Variants in HEPH observed in about 807,000 individuals in gnomAD.
HEPH encodes the protein hephaestin.
HEPH carries 69 observed loss-of-function variants against 80.8 expected under a neutral mutation model. That is an observed-to-expected ratio of 0.85 (90% CI 0.70 to 1.04). HEPH has a LOEUF of 1.04. Ranked by LOEUF, HEPH falls within the 50% of genes least tolerant of loss-of-function variation. The probability of loss-of-function intolerance (pLI) is 0.00; values close to 1 mark genes in which losing one functional copy is unlikely to be tolerated. For missense variants in HEPH, 1,115 were observed against 891.3 expected (o/e 1.25, Z -3.20); for synonymous variants, 431 against 322.8 (o/e 1.34, Z -3.60).
intron 4 of HEPH, among the ~76,000 whole-genome samples, chrX:66,180,670 ATTTG>A (rs1413978575): frequency 2.2e-3 from 49 of 22,174 alleles, no homozygotes; most frequent in African/African-American, 8.7e-3. Flanking sequence ...TTCAGTCATT[ATTTG>A]TTTGTACAGC....
At position 66,216,244 on chromosome X, in the gene HEPH, C is replaced by T. The variant is rs912061706; in HGVS notation, c.2563+7998C>T. ...CCTACACACCTGCAGCTGATGTGTTCTTGAAAGCACCACCTCCTGATTGGA... is the reference window on the plus strand; with the variant it reads ...CCTACACACCTGCAGCTGATGTGTTTTTGAAAGCACCACCTCCTGATTGGA... On this transcript the variant is annotated intron_variant, in intron 15 of 20. Transcript: ENST00000343002. 2.7e-5 allele frequency among the ~76,000 whole-genome samples: 3 copies of T among 111,709 alleles called. No individual in the cohort carries two copies. In the East Asian group the frequency reaches 8.4e-4, roughly 31 times the overall value.
At chrX:66,219,806 C>T (rs939275875) in intron 15 of HEPH, among the ~76,000 whole-genome samples, 1 of 111,063 alleles carries the variant, frequency 9.0e-6, no homozygotes, top group Non-Finnish European at 1.9e-5. Context: ...GCCCACTGGT[C>T]GGGTATTTTG....
intron 15 of HEPH, among the ~76,000 whole-genome samples, chrX:66,223,061 G>A (rs935967221): frequency 3.6e-5 from 4 of 110,667 alleles, no homozygotes; most frequent in Admixed American, 9.6e-5. Flanking sequence ...CAGCAGTCTC[G>A]GAGGTTAGCA....
chrX:66,264,632 T>A, intron 20 of HEPH, among the ~76,000 whole-genome samples: 1 of 108,093 alleles, frequency 9.3e-6, no homozygotes, highest in Middle Eastern at 4.3e-3. Context: ...TAGTCTGAGG[T>A]TTTACAGCTG....
Position 66,266,710 on chromosome X carries a change from G to C in HEPH, c.*38G>C. 1 of 994,536 alleles carries C rather than the reference G, an allele frequency of 1.0e-6. No homozygotes were observed. The highest frequency in any genetic ancestry group is 1.4e-6 in the Non-Finnish European group (1 of 706,516). The allele number at this position is 994,536 out of a possible 1,213,427, so 82.0% of individuals were successfully genotyped here. The stretch of plus-strand genomic sequence containing the variant: ...GGAGATATCCTCAGGAAGCACATCT[G>C]TAGTGCACTCCCAGCAGGCCATGGA... On this transcript the variant is annotated 3_prime_UTR_variant, in exon 21 of 21. Coordinates refer to ENST00000343002, the MANE Select transcript of HEPH (RefSeq NM_001367233.3).
chrX:66,235,048 GT>G (rs1164398627), intron 15 of HEPH, among the ~76,000 whole-genome samples: 6 of 110,875 alleles, frequency 5.4e-5, no homozygotes, highest in Non-Finnish European at 1.1e-4. Context: ...AAATGGGGTT[GT>G]TTTTACCTTG....
At chrX:66,240,146 A>C (rs1194577216) in intron 15 of HEPH, among the ~76,000 whole-genome samples, 1 of 112,113 alleles carries the variant, frequency 8.9e-6, no homozygotes, top group East Asian at 2.8e-4. Context: ...ATTTCATTAG[A>C]GAGATTAAAA....
intron 15 of HEPH, among the ~76,000 whole-genome samples, chrX:66,231,785 A>G (rs1208255018): frequency 9.4e-6 from 1 of 106,083 alleles, no homozygotes; most frequent in African/African-American, 3.5e-5. Flanking sequence ...CTCCTGCCTA[A>G]TTGCCCTGGC....
chrX:66,186,257 T>C (rs2087426699), intron 4 of HEPH, among the ~76,000 whole-genome samples: 1 of 86,085 alleles, frequency 1.2e-5, no homozygotes, highest in Admixed American at 1.1e-4. Context: ...GGCTGCTTTG[T>C]TTACCTAAGC....
chrX:66,225,219 C>T (rs2089828025), intron 15 of HEPH, among the ~76,000 whole-genome samples: 2 of 111,655 alleles, frequency 1.8e-5, no homozygotes, highest in African/African-American at 6.5e-5. Flanking sequence ...ACTCCATCGT[C>T]TCCCTTAAAT....
chrX:66,246,596 G>A (rs1052807353), intron 15 of HEPH, among the ~76,000 whole-genome samples: 2 of 111,149 alleles, frequency 1.8e-5, no homozygotes, highest in African/African-American at 3.3e-5. Flanking sequence ...TGGGGGCAGT[G>A]TGTGGGGGCC....
chrX:66,234,295 T>A (rs34552764), intron 15 of HEPH, among the ~76,000 whole-genome samples: 3,348 of 108,172 alleles, frequency 0.031, 68 homozygotes, highest in Non-Finnish European at 0.046. Context: ...CTTCTTTTTT[T>A]AAAAAAAAAA....
Position 66,263,690 on chromosome X carries a change from T to C in HEPH, c.3244+2T>C, listed in dbSNP as rs1397915404. On this transcript the variant is annotated splice_donor_variant, in intron 20 of 20. Coordinates refer to ENST00000343002, the MANE Select transcript of HEPH (RefSeq NM_001367233.3). LOFTEE classifies it high-confidence loss of function. Reference sequence around the variant, plus strand: ...TCATCACCAAAGAGACTGAAAAAGGTACGTAAAATGATGCACAGACTGGGT... The same window carrying C: ...TCATCACCAAAGAGACTGAAAAAGGCACGTAAAATGATGCACAGACTGGGT... 5.8e-6 allele frequency: 7 copies of C among 1,205,528 alleles called. No individual in the cohort carries two copies. The highest frequency in any genetic ancestry group is 4.4e-5 in the Admixed American group (2 of 45,556).
intron 15 of HEPH, among the ~76,000 whole-genome samples, chrX:66,229,800 GT>G (rs1344505870): frequency 3.6e-5 from 4 of 110,051 alleles, no homozygotes; most frequent in African/African-American, 1.3e-4. Context: ...TATACTTTAA[GT>G]TTTAGGGTAC....
At chrX:66,221,128 C>T (rs1371038571) in intron 15 of HEPH, among the ~76,000 whole-genome samples, 5 of 111,286 alleles carry the variant, frequency 4.5e-5, no homozygotes, top group East Asian at 2.8e-4. Flanking sequence ...AGTCAGCTTC[C>T]GGGTGTGACT....
intron 15 of HEPH, among the ~76,000 whole-genome samples, chrX:66,239,652 G>T (rs774850531): frequency 8.9e-6 from 1 of 111,749 alleles, no homozygotes; most frequent in African/African-American, 3.3e-5. Flanking sequence ...GCAGGATCTA[G>T]ACCCTGACCT....
intron 7 of HEPH, among the ~76,000 whole-genome samples, 197 bp downstream of exon 7, chrX:66,192,495 C>A (rs2087855444): frequency 9.0e-6 from 1 of 111,636 alleles, no homozygotes; most frequent in Non-Finnish European, 1.9e-5. Context: ...GGTAGCAAAG[C>A]TTTTTGTGGG....
chrX:66,189,987 A>G, intron 6 of HEPH, 49 bp downstream of exon 6: 8 of 1,123,161 alleles, frequency 7.1e-6, no homozygotes, highest in Non-Finnish European at 8.3e-6. Flanking sequence ...GAGGTATGAT[A>G]ATGGTCAAGG....
At chrX:66,263,543 C>G in intron 19 of HEPH, 101 bp from the exon 20 acceptor site, 2 of 899,418 alleles carry the variant, frequency 2.2e-6, no homozygotes, top group Non-Finnish European at 3.2e-6. Flanking sequence ...TACTTAATCA[C>G]AGAGAAATTT....
Sources: allele counts gnomAD v4.1 joint callset (sites outside exome capture counted in the v4.1 genomes callset), GRCh38; gene constraint gnomAD v4.1.1; transcripts MANE v1.5; gene names NCBI Gene and HGNC (gene_info 2026-07-23, HGNC 2026-07-21).